KAZN: variants seen among roughly 807,000 people sequenced by gnomAD.
KAZN encodes kazrin.
KAZN carries 40 observed loss-of-function variants against 87.4 expected under a neutral mutation model. That is an observed-to-expected ratio of 0.46 (90% CI 0.36 to 0.60). The LOEUF (loss-of-function observed/expected upper bound fraction) is 0.60. KAZN is among the 20% of genes least tolerant of loss of function. The pLI is 0.00. For synonymous variants in KAZN, 466 were observed against 458.3 expected (o/e 1.02, Z -0.22); for missense variants, 898 against 1,073.9 (o/e 0.84, Z 2.29).
chr1:14,268,667 T>C (rs1651687901), intron 2 of KAZN, among the ~76,000 whole-genome samples: 1 of 152,158 alleles, frequency 6.6e-6, no homozygotes. Context: ...GGTGATGATA[T>C]ATATGTATAT....
chr1:14,947,968 G>A (rs1251504234), intron 1 of KAZN, among the ~76,000 whole-genome samples: 1 of 152,220 alleles, frequency 6.6e-6, no homozygotes, highest in Admixed American at 6.5e-5. Context: ...CAGTCCAGAA[G>A]GACTGGTCAC....
chr1:14,130,632 A>AGTC (rs386366262), intron 1 of KAZN, among the ~76,000 whole-genome samples: 2 of 151,536 alleles, frequency 1.3e-5, no homozygotes, highest in African/African-American at 4.9e-5. Context: ...GAGTAAAAGT[A>AGTC]GTCCTTATTT....
chr1:14,015,357 A>G (rs1051494278), intron 1 of KAZN, among the ~76,000 whole-genome samples: 2 of 150,690 alleles, frequency 1.3e-5, no homozygotes, highest in African/African-American at 4.9e-5. Context: ...TCCTGGAAAG[A>G]TGACCCACAT....
intron 1 of KAZN, among the ~76,000 whole-genome samples, chr1:13,938,509 TTTTA>T (rs200673056): frequency 1.3e-5 from 2 of 152,172 alleles, no homozygotes; most frequent in East Asian, 1.9e-4. Context: ...TTTGGATGCT[TTTTA>T]TTTATTTATT....
intron 2 of KAZN, among the ~76,000 whole-genome samples, chr1:14,321,971 G>A (rs1656079751): frequency 6.6e-6 from 1 of 152,134 alleles, no homozygotes; most frequent in African/African-American, 2.4e-5. Flanking sequence ...CCCATCAAGA[G>A]CCAGTTTGCT....
intron 1 of KAZN, among the ~76,000 whole-genome samples, chr1:14,756,332 C>T (rs572887712): frequency 5.3e-5 from 8 of 152,314 alleles, no homozygotes; most frequent in Admixed American, 4.6e-4. Flanking sequence ...TACTCTGAGA[C>T]AAGCACGCCC....
chr1:13,981,873 T>C (rs999248865), intron 1 of KAZN, among the ~76,000 whole-genome samples: 1 of 152,172 alleles, frequency 6.6e-6, no homozygotes, highest in Non-Finnish European at 1.5e-5. Context: ...TAGTGATGAT[T>C]GCTGACCTGA....
chr1:15,109,787 T>A (rs1213932284), intron 13 of KAZN, among the ~76,000 whole-genome samples: 4 of 38,012 alleles, frequency 1.1e-4, no homozygotes, highest in Admixed American at 2.6e-4. Flanking sequence ...ATATATGTGT[T>A]TGTGTGTATG....
intron 2 of KAZN, among the ~76,000 whole-genome samples, chr1:14,576,510 TGAAAG>T (rs1466129053): frequency 1.3e-5 from 2 of 152,176 alleles, no homozygotes; most frequent in Non-Finnish European, 1.5e-5. Context: ...CATGGACAAA[TGAAAG>T]GAACATGCTG....
chr1:14,808,196 T>C (rs1175395589), intron 1 of KAZN, among the ~76,000 whole-genome samples: 1 of 152,074 alleles, frequency 6.6e-6, no homozygotes, highest in African/African-American at 2.4e-5. Context: ...GTGTATGTTC[T>C]AGACCATGTG....
intron 2 of KAZN, among the ~76,000 whole-genome samples, chr1:14,362,592 G>C (rs1443670297): frequency 6.6e-6 from 1 of 152,230 alleles, no homozygotes; most frequent in Non-Finnish European, 1.5e-5. Flanking sequence ...TGCCAGAGCA[G>C]CTAGAAGGCT....
rs1651539428 is a variant in KAZN, at chr1:14,867,064, T to G, written c.227-93620T>G. The stretch of plus-strand genomic sequence containing the variant: ...CCCTGATGGACTGCTGACCTTGCAA[T>G]GCCCTTCTCTTGAATCCCAAGTTCG... On this transcript the variant is annotated intron_variant, in intron 1 of 14. Transcript: ENST00000376030. Among the ~76,000 whole-genome samples the G allele has an allele frequency of 2.0e-5, 3 of 150,346 alleles. No homozygotes were observed. In the Admixed American group the frequency reaches 2.0e-4, roughly 10 times the overall value.
chr1:15,112,645 G>A (rs1182570652), intron 14 of KAZN, 104 bp downstream of exon 14: 3 of 613,008 alleles, frequency 4.9e-6, no homozygotes, highest in Non-Finnish European at 8.2e-6. Flanking sequence ...TGTGAAGGTG[G>A]AGTGCCAGGC....
chr1:14,104,011 A>C (rs923995288), intron 1 of KAZN, among the ~76,000 whole-genome samples: 1 of 152,226 alleles, frequency 6.6e-6, no homozygotes, highest in Non-Finnish European at 1.5e-5. Context: ...TAGATTTTAC[A>C]GGGATGCCTG....
chr1:14,493,547 T>C (rs1241592033), intron 2 of KAZN, among the ~76,000 whole-genome samples: 1 of 152,232 alleles, frequency 6.6e-6, no homozygotes, highest in Non-Finnish European at 1.5e-5. Flanking sequence ...TGTTTCATCT[T>C]GTTTCAGACT....
At chr1:14,306,640 A>C (rs922361901) in intron 2 of KAZN, among the ~76,000 whole-genome samples, 7 of 152,192 alleles carry the variant, frequency 4.6e-5, no homozygotes, top group Non-Finnish European at 1.0e-4. Context: ...CCATGATGTG[A>C]ACCAGGCCCC....
Position 14,858,214 on chromosome 1 carries a change from C to CTT in KAZN, c.227-102455_227-102454dup, listed in dbSNP as rs71000342. ...TTTTTTTCTTTTTTCTTTTTCTTTT[C>CTT]TTTTTTTTTTTTTTTTGAGACAAAG... On this transcript the variant is annotated intron_variant, in intron 1 of 14. Transcript: ENST00000376030. 4.4e-3 allele frequency among the ~76,000 whole-genome samples: 514 copies of CTT among 117,032 alleles called. 12 individuals are homozygous for CTT. Among genetic ancestry groups the CTT allele is most frequent in the South Asian group, 0.018 (66 of 3,678 alleles). 76.8% of individuals were successfully genotyped at this position (117,032 alleles called of 152,430 possible). A position where few individuals can be genotyped will look rare whatever the true frequency, so the allele number is the denominator to read the frequency against.
intron 1 of KAZN, among the ~76,000 whole-genome samples, chr1:14,921,076 A>G (rs1658460131): frequency 6.6e-6 from 1 of 151,690 alleles, no homozygotes; most frequent in African/African-American, 2.4e-5. Flanking sequence ...TAAGGGGGGC[A>G]TGGGCAGCCT....
chr1:14,973,129 G>A (rs1186127570), intron 2 of KAZN, among the ~76,000 whole-genome samples: 1 of 152,124 alleles, frequency 6.6e-6, no homozygotes, highest in Non-Finnish European at 1.5e-5. Flanking sequence ...GAAGCTCTGT[G>A]TCTGACACAG....
Sources: gnomAD v4.1 joint callset for allele counts (sites outside exome capture counted in the v4.1 genomes callset) on GRCh38, gnomAD v4.1.1 for gene constraint, MANE v1.5 for transcripts, NCBI Gene and HGNC (gene_info 2026-07-23, HGNC 2026-07-21) for gene names.